Variants in LRMDA observed in about 807,000 individuals in gnomAD.
LRMDA encodes leucine rich melanocyte differentiation associated, also known as leucine-rich melanocyte differentiation-associated protein.
In LRMDA, 18 loss-of-function variants were observed where a neutral mutation model predicts 29.8. The observed-to-expected ratio is 0.60, with a 90% CI of 0.42 to 0.90. The LOEUF is 0.90. Among genes scored for constraint, LRMDA ranks in the 40% least tolerant of loss-of-function variants. LRMDA has a pLI of 0.00. For missense variants in LRMDA, 273 were observed against 273.9 expected (o/e 1.00, Z 0.02); for synonymous variants, 125 against 109.4 (o/e 1.14, Z -0.89).
intron 3 of LRMDA, among the ~76,000 whole-genome samples, chr10:76,041,290 T>C (rs1290076441): frequency 6.6e-6 from 1 of 152,202 alleles, no homozygotes; most frequent in Non-Finnish European, 1.5e-5. Context: ...GTAAGAACCC[T>C]CATGTTCCAG....
intron 2 of LRMDA, among the ~76,000 whole-genome samples, chr10:75,632,945 G>A (rs1367888726): frequency 6.6e-6 from 1 of 151,882 alleles, no homozygotes; most frequent in Non-Finnish European, 1.5e-5. Flanking sequence ...TTCTGACAGT[G>A]GCTCCTCCCT....
chr10:76,537,212 C>T (rs1843300775), intron 6 of LRMDA, among the ~76,000 whole-genome samples: 1 of 152,184 alleles, frequency 6.6e-6, no homozygotes, highest in Non-Finnish European at 1.5e-5. Context: ...ATTCCCTGCC[C>T]CACAACATGA....
chr10:76,524,666 T>C (rs534232131), intron 6 of LRMDA, among the ~76,000 whole-genome samples: 2 of 152,354 alleles, frequency 1.3e-5, no homozygotes, highest in African/African-American at 4.8e-5. Flanking sequence ...CGAATAACCA[T>C]GTGTTCTCTT....
intron 2 of LRMDA, among the ~76,000 whole-genome samples, chr10:75,456,364 G>A (rs574768846): frequency 1.3e-5 from 2 of 152,384 alleles, no homozygotes; most frequent in African/African-American, 4.8e-5. Context: ...CAGAAGGGGA[G>A]GAACCAAAAC....
intron 6 of LRMDA, among the ~76,000 whole-genome samples, chr10:76,422,360 G>T (rs944630323): frequency 2.0e-5 from 3 of 151,932 alleles, no homozygotes; most frequent in Non-Finnish European, 2.9e-5. Context: ...CACATATTTA[G>T]CTCAGCATTT....
intron 6 of LRMDA, chr10:76,402,459 C>T (rs918338145): frequency 1.3e-5 from 2 of 152,272 alleles, no homozygotes; most frequent in African/African-American, 4.8e-5. Flanking sequence ...TCAAGCAATC[C>T]TCCCACTTTA....
In LRMDA at chr10:75,755,326, T is replaced by A. The variant is rs146125173; in HGVS notation, c.132-280682T>A. ...TTTGGGGCACTATCTTATTACCATGTCATTGTGCCTAGCACATAGCAGGTG... is the reference window on the plus strand; with the variant it reads ...TTTGGGGCACTATCTTATTACCATGACATTGTGCCTAGCACATAGCAGGTG... On this transcript the variant is annotated intron_variant, in intron 2 of 6. Coordinates refer to ENST00000611255, the MANE Select transcript of LRMDA (RefSeq NM_001305581.2). 8.5e-3 allele frequency among the ~76,000 whole-genome samples: 1,292 copies of A among 152,374 alleles called. 8 individuals carry two copies. The highest frequency in any genetic ancestry group is 0.014 in the Non-Finnish European group (919 of 68,034).
intron 2 of LRMDA, among the ~76,000 whole-genome samples, chr10:75,469,010 T>C (rs748985079): frequency 3.3e-5 from 5 of 152,074 alleles, no homozygotes; most frequent in Admixed American, 6.5e-5. Flanking sequence ...TTTTCATAAA[T>C]GCTTTCTGTA....
chr10:75,438,543 C>A, intron 2 of LRMDA, 49 bp downstream of exon 2: 1 of 1,421,824 alleles, frequency 7.0e-7, no homozygotes, highest in Non-Finnish European at 9.7e-7. Context: ...GCCCAGTCCT[C>A]CTGGGTACTT....
chr10:75,451,334 T>C (rs1379571338), intron 2 of LRMDA: 1 of 152,216 alleles, frequency 6.6e-6, no homozygotes, highest in African/African-American at 2.4e-5. Context: ...TTTTGCCCTT[T>C]CATTTGCTGA....
chr10:76,515,836 A>T (rs971519745), intron 6 of LRMDA, among the ~76,000 whole-genome samples: 1 of 152,184 alleles, frequency 6.6e-6, no homozygotes, highest in East Asian at 1.9e-4. Flanking sequence ...ATTTCTAGAT[A>T]AATAATTATT....
At chr10:76,223,102 T>C (rs888484256) in intron 5 of LRMDA, among the ~76,000 whole-genome samples, 2 of 145,054 alleles carry the variant, frequency 1.4e-5, no homozygotes, top group African/African-American at 5.1e-5. Flanking sequence ...AACATCACAC[T>C]GTGGGGACTG....
At chr10:75,921,213 G>A (rs889982217) in intron 2 of LRMDA, among the ~76,000 whole-genome samples, 13 of 152,030 alleles carry the variant, frequency 8.6e-5, no homozygotes, top group African/African-American at 3.1e-4. Flanking sequence ...TCCTCAAATA[G>A]GTTTATTTGT....
intron 2 of LRMDA, among the ~76,000 whole-genome samples, chr10:75,626,607 G>A (rs764970875): frequency 9.9e-5 from 15 of 152,252 alleles, no homozygotes; most frequent in African/African-American, 1.7e-4. Flanking sequence ...GGATGTTTTC[G>A]TATTAATTCC....
intron 4 of LRMDA, among the ~76,000 whole-genome samples, chr10:76,048,927 T>C (rs1253627289): frequency 1.3e-5 from 2 of 152,160 alleles, no homozygotes; most frequent in Non-Finnish European, 2.9e-5. Flanking sequence ...TTGGCACCTT[T>C]TTTTTTCTGG....
chr10:75,540,966 AG>A (rs1318849727), intron 2 of LRMDA, among the ~76,000 whole-genome samples: 1 of 151,764 alleles, frequency 6.6e-6, no homozygotes, highest in African/African-American at 2.4e-5. Flanking sequence ...TAGGGAAACA[AG>A]TTTTGTTGTT....
intron 6 of LRMDA, among the ~76,000 whole-genome samples, chr10:76,483,035 A>T (rs188709129): frequency 2.6e-5 from 4 of 151,888 alleles, no homozygotes; most frequent in East Asian, 2.0e-4. Context: ...AATTTCCTCT[A>T]TTGTGAAATG....
chr10:75,692,911 T>A (rs894929187), intron 2 of LRMDA, among the ~76,000 whole-genome samples: 3 of 152,134 alleles, frequency 2.0e-5, no homozygotes, highest in Non-Finnish European at 4.4e-5. Context: ...ATTTTATGGC[T>A]TGGGATCATC....
At chr10:76,505,579 A>G (rs933787794) in intron 6 of LRMDA, among the ~76,000 whole-genome samples, 1 of 152,094 alleles carries the variant, frequency 6.6e-6, no homozygotes. Context: ...GTATTATGAA[A>G]TTCTCATAGT....
Sources: gnomAD v4.1 joint callset for allele counts (sites outside exome capture counted in the v4.1 genomes callset) on GRCh38, gnomAD v4.1.1 for gene constraint, MANE v1.5 for transcripts, NCBI Gene and HGNC (gene_info 2026-07-23, HGNC 2026-07-21) for gene names.